Variants in TPD52L1 observed in about 807,000 individuals in gnomAD.
TPD52L1 encodes tumor protein D53.
TPD52L1 carries 18 observed loss-of-function variants against 28.7 expected under a neutral mutation model. That is an observed-to-expected ratio of 0.63 (90% CI 0.43 to 0.93). The LOEUF (loss-of-function observed/expected upper bound fraction) is 0.93. TPD52L1 is among the 40% of genes least tolerant of loss of function. TPD52L1 has a pLI of 0.00. For missense variants in TPD52L1, 203 were observed against 254.8 expected, an observed-to-expected ratio of 0.80 and a Z score of 1.39; for synonymous variants, 75 against 88.8, an observed-to-expected ratio of 0.84 and a Z score of 0.88.
intron 1 of TPD52L1, among the ~76,000 whole-genome samples, chr6:125,218,034 G>C (rs1794995548): frequency 6.6e-6 from 1 of 152,108 alleles, no homozygotes; most frequent in Non-Finnish European, 1.5e-5. Flanking sequence ...CACTATGAAA[G>C]CTTTTATTAA....
intron 1 of TPD52L1, among the ~76,000 whole-genome samples, chr6:125,207,020 T>A (rs1378073085): frequency 6.6e-6 from 1 of 152,194 alleles, no homozygotes; most frequent in East Asian, 1.9e-4. Context: ...CAAACAAACA[T>A]CACAGATATT....
At chr6:125,168,011 T>C (rs559053848) in intron 1 of TPD52L1, among the ~76,000 whole-genome samples, 1 of 152,348 alleles carries the variant, frequency 6.6e-6, no homozygotes, top group African/African-American at 2.4e-5. Flanking sequence ...GGTTGGTGAC[T>C]TCTTTCATTA....
chr6:125,167,570 A>C (rs1338367397), intron 1 of TPD52L1, among the ~76,000 whole-genome samples: 1 of 152,226 alleles, frequency 6.6e-6, no homozygotes, highest in Admixed American at 6.5e-5. Context: ...ATAAGAATAC[A>C]CATTCAGAAC....
chr6:125,201,475 T>C (rs1793797355), intron 1 of TPD52L1, among the ~76,000 whole-genome samples: 1 of 152,248 alleles, frequency 6.6e-6, no homozygotes, highest in South Asian at 2.1e-4. Flanking sequence ...CAATGATTTA[T>C]ACTCTCTCCT....
chr6:125,238,088 G>A (rs1472869185), intron 3 of TPD52L1, among the ~76,000 whole-genome samples: 1 of 152,134 alleles, frequency 6.6e-6, no homozygotes, highest in Non-Finnish European at 1.5e-5. Context: ...TTATTTATTT[G>A]TAAGTAAGTC....
intron 1 of TPD52L1, among the ~76,000 whole-genome samples, chr6:125,193,910 G>A (rs1407046): frequency 0.15 from 23,230 of 151,800 alleles, 4,357 homozygotes; most frequent in African/African-American, 0.45. Context: ...TCACAACCCA[G>A]TGGGTTTTTG....
In TPD52L1 at chr6:125,208,070, T is replaced by C. The variant is rs1483029540; in HGVS notation, c.20-12008T>C. Among the ~76,000 whole-genome samples the C allele has an allele frequency of 2.6e-5, 4 of 152,184 alleles. No homozygotes were observed. In the East Asian group the frequency reaches 7.7e-4, roughly 29 times the overall value. The stretch of plus-strand genomic sequence containing the variant: ...GTAGCAGCAGTTATCCCTTTTTCAA[T>C]ATAGTTTCAGAGTCAGGGCAGTTCC... On this transcript the variant is annotated intron_variant, in intron 1 of 6. Transcript: ENST00000534000.
At chr6:125,168,737 C>T (rs1791080503) in intron 1 of TPD52L1, among the ~76,000 whole-genome samples, 1 of 152,036 alleles carries the variant, frequency 6.6e-6, no homozygotes, top group Non-Finnish European at 1.5e-5. Context: ...AGGATGGTCT[C>T]GATCTCTTGA....
intron 1 of TPD52L1, among the ~76,000 whole-genome samples, chr6:125,178,651 A>AT (rs1472632454): frequency 0.014 from 1,760 of 125,150 alleles, 48 homozygotes; most frequent in African/African-American, 0.045. Flanking sequence ...AAAACAAAAC[A>AT]AAACAAAATA....
intron 1 of TPD52L1, among the ~76,000 whole-genome samples, chr6:125,195,661 A>G (rs531529190): frequency 3.3e-5 from 5 of 152,314 alleles, no homozygotes; most frequent in South Asian, 4.1e-4. Context: ...TTGAGGTACC[A>G]AGCAGGTTTT....
chr6:125,165,092 A>ATATATATATTTATTTATT, intron 1 of TPD52L1, among the ~76,000 whole-genome samples: 2 of 104,194 alleles, frequency 1.9e-5, no homozygotes, highest in Admixed American at 1.0e-4. Context: ...AAAGATATAT[A>ATATATATATTTATTTATT]TATATATTTT....
chr6:125,154,151 G>T lies in TPD52L1; in HGVS notation c.19+181G>T. 1.4e-6 allele frequency: 2 copies of T among 1,391,216 alleles called. 1 individual carries two copies. The highest frequency in any genetic ancestry group is 3.2e-5 in the South Asian group (2 of 62,098). 86.2% of individuals were successfully genotyped at this position (1,391,216 alleles called of 1,614,324 possible). The stretch of plus-strand genomic sequence containing the variant: ...CTGCCCAAACTCAGGATTTGCTGTG[G>T]GTCTGGGGATCAATAAAGTGACAGG... On this transcript the variant is annotated intron_variant, in intron 1 of 6. Coordinates refer to ENST00000534000, the MANE Select transcript of TPD52L1 (RefSeq NM_003287.4).
intron 1 of TPD52L1, among the ~76,000 whole-genome samples, chr6:125,184,872 C>G (rs1792486803): frequency 6.6e-6 from 1 of 151,648 alleles, no homozygotes; most frequent in South Asian, 2.1e-4. Flanking sequence ...ATCAAGTGCA[C>G]CATTGCTACA....
chr6:125,235,507 T>A (rs1796210829), intron 3 of TPD52L1, among the ~76,000 whole-genome samples: 1 of 152,202 alleles, frequency 6.6e-6, no homozygotes, highest in South Asian at 2.1e-4. Flanking sequence ...CTGGGCCACA[T>A]GTGACCCATA....
intron 3 of TPD52L1, among the ~76,000 whole-genome samples, chr6:125,247,054 A>G (rs369139346): frequency 1.3e-5 from 2 of 152,134 alleles, no homozygotes; most frequent in South Asian, 2.1e-4. Flanking sequence ...ACCAAGGCAC[A>G]TATTTGAAAA....
At chr6:125,256,458 T>C (rs73579747) in intron 5 of TPD52L1, among the ~76,000 whole-genome samples, 9,987 of 152,318 alleles carry the variant, frequency 0.066, 371 homozygotes, top group Middle Eastern at 0.1. Flanking sequence ...TCCATTTTGA[T>C]TGGGCATTAG....
chr6:125,158,121 C>A (rs2114728734), intron 1 of TPD52L1, among the ~76,000 whole-genome samples: 1 of 152,266 alleles, frequency 6.6e-6, no homozygotes, highest in East Asian at 1.9e-4. Context: ...TAGCACCTAC[C>A]TAGATAATCC....
chr6:125,236,231 A>G (rs994285150), intron 3 of TPD52L1, among the ~76,000 whole-genome samples: 2 of 152,190 alleles, frequency 1.3e-5, no homozygotes, highest in African/African-American at 4.8e-5. Context: ...AATCTTTAAC[A>G]CTGCATTAAA....
chr6:125,206,192 G>A (rs954001228), intron 1 of TPD52L1, among the ~76,000 whole-genome samples: 1 of 152,094 alleles, frequency 6.6e-6, no homozygotes, highest in African/African-American at 2.4e-5. Flanking sequence ...TGACTCATGT[G>A]TTCTTTATAT....
Sources: gnomAD v4.1 joint callset for allele counts (sites outside exome capture counted in the v4.1 genomes callset) on GRCh38, gnomAD v4.1.1 for gene constraint, MANE v1.5 for transcripts, NCBI Gene and HGNC (gene_info 2026-07-23, HGNC 2026-07-21) for gene names.